Variants in HTR7 observed in about 807,000 individuals in gnomAD.
HTR7 encodes 5-HT-7.
HTR7 carries 16 observed loss-of-function variants against 34.0 expected under a neutral mutation model. The observed-to-expected ratio is 0.47, with a 90% confidence interval of 0.32 to 0.71. HTR7 has a LOEUF of 0.71. Ranked by LOEUF, HTR7 falls within the 30% of genes least tolerant of loss-of-function variation. The probability of loss-of-function intolerance (pLI) is 0.04; values close to 1 mark genes in which losing one functional copy is unlikely to be tolerated. For synonymous variants in HTR7, 265 were observed against 260.2 expected, an observed-to-expected ratio of 1.02 and a Z score of -0.18; for missense variants, 504 against 625.5, an observed-to-expected ratio of 0.81 and a Z score of 2.07.
At chr10:90,817,165 T>C (rs1845909358) in intron 1 of HTR7, among the ~76,000 whole-genome samples, 1 of 152,028 alleles carries the variant, frequency 6.6e-6, no homozygotes, top group African/African-American at 2.4e-5. Flanking sequence ...ATAAAAACAA[T>C]TCTAAACATC....
chr10:90,801,861 G>A (rs572147387), intron 1 of HTR7, among the ~76,000 whole-genome samples: 70 of 152,304 alleles, frequency 4.6e-4, no homozygotes, highest in African/African-American at 1.2e-3. Context: ...TGGGAAAAAA[G>A]GGATTTGTGT....
intron 1 of HTR7, among the ~76,000 whole-genome samples, chr10:90,754,952 T>C (rs1188676031): frequency 6.6e-6 from 1 of 152,216 alleles, no homozygotes; most frequent in African/African-American, 2.4e-5. Flanking sequence ...CTCCGGCTGA[T>C]GTCAGTGGCT....
At chr10:90,809,194 C>T (rs1845758457) in intron 1 of HTR7, among the ~76,000 whole-genome samples, 2 of 152,190 alleles carry the variant, frequency 1.3e-5, no homozygotes, top group Admixed American at 6.5e-5. Flanking sequence ...CCTCCTGACA[C>T]CCGGTCTGGC....
intron 1 of HTR7, among the ~76,000 whole-genome samples, chr10:90,787,487 A>G (rs1477237800): frequency 2.0e-5 from 3 of 152,046 alleles, no homozygotes; most frequent in Non-Finnish European, 4.4e-5. Flanking sequence ...GCAAGACTCC[A>G]TCTCAAAAAA....
chr10:90,785,803 C>T (rs1040527787), intron 1 of HTR7, among the ~76,000 whole-genome samples: 10 of 152,208 alleles, frequency 6.6e-5, no homozygotes, highest in African/African-American at 1.4e-4. Flanking sequence ...CTTCTCAGAA[C>T]GCACCACAAC....
chr10:90,762,438 G>T (rs2119726501), intron 1 of HTR7, among the ~76,000 whole-genome samples: 1 of 152,216 alleles, frequency 6.6e-6, no homozygotes, highest in South Asian at 2.1e-4. Flanking sequence ...GTCTTCTTTG[G>T]AAAAATGTCT....
chr10:90,802,944 C>T (rs1168788211), intron 1 of HTR7, among the ~76,000 whole-genome samples: 1 of 150,602 alleles, frequency 6.6e-6, no homozygotes, highest in South Asian at 2.1e-4. Context: ...GAAACTGAGA[C>T]CATAGAGTAT....
intron 1 of HTR7, among the ~76,000 whole-genome samples, chr10:90,820,414 G>A (rs1845961585): frequency 6.6e-6 from 1 of 152,174 alleles, no homozygotes; most frequent in South Asian, 2.1e-4. Context: ...CATAACTTCA[G>A]ACCACCATTA....
At chr10:90,782,923 A>C (rs1845326372) in intron 1 of HTR7, among the ~76,000 whole-genome samples, 1 of 152,166 alleles carries the variant, frequency 6.6e-6, no homozygotes, top group Non-Finnish European at 1.5e-5. Flanking sequence ...GGTATTTGAT[A>C]ATTCTAACCT....
intron 1 of HTR7, among the ~76,000 whole-genome samples, chr10:90,822,448 C>T (rs1007469457): frequency 3.9e-5 from 6 of 152,204 alleles, no homozygotes; most frequent in African/African-American, 1.4e-4. Context: ...GCATTCAAGA[C>T]ATGGCCTGGC....
At position 90,815,052 on chromosome 10, in the gene HTR7, A is replaced by C. The variant is rs1831546171; in HGVS notation, c.539+42081T>G. 2.0e-5 allele frequency among the ~76,000 whole-genome samples: 3 copies of C among 151,990 alleles called. No individual in the cohort carries two copies. In the South Asian group the frequency reaches 6.3e-4, roughly 32 times the overall value. Reference sequence around the variant, plus strand: ...AAGTTTCTGGGACCAGAATGTAAAAATGCAGGATTGCAAAAGTTGGATTTT... The same window carrying C: ...AAGTTTCTGGGACCAGAATGTAAAACTGCAGGATTGCAAAAGTTGGATTTT... On this transcript the variant is annotated intron_variant, in intron 1 of 3. Coordinates refer to ENST00000336152, the MANE Select transcript of HTR7 (RefSeq NM_019859.4).
chr10:90,827,091 C>T (rs72810814), intron 1 of HTR7, among the ~76,000 whole-genome samples: 2 of 151,520 alleles, frequency 1.3e-5, no homozygotes, highest in African/African-American at 4.9e-5. Context: ...TTCAACCATA[C>T]CACTAGAGAA....
intron 1 of HTR7, among the ~76,000 whole-genome samples, chr10:90,849,742 T>A (rs1169638790): frequency 3.9e-5 from 6 of 152,252 alleles, no homozygotes; most frequent in Non-Finnish European, 2.9e-5. Context: ...TAGCCACTTC[T>A]AGCCATGATG....
intron 1 of HTR7, among the ~76,000 whole-genome samples, chr10:90,840,867 A>G (rs1164229660): frequency 2.0e-5 from 3 of 152,218 alleles, no homozygotes; most frequent in Non-Finnish European, 4.4e-5. Flanking sequence ...ATGGCCACAG[A>G]ACTACAAATG....
At chr10:90,757,531 C>G (rs925434731) in intron 1 of HTR7, among the ~76,000 whole-genome samples, 1 of 152,206 alleles carries the variant, frequency 6.6e-6, no homozygotes, top group Admixed American at 6.5e-5. Context: ...CTTCACTCAG[C>G]TGCGGTAGAA....
Position 90,814,282 on chromosome 10 carries a change from TATG to T in HTR7, c.539+42848_539+42850del, listed in dbSNP as rs1205435375. On this transcript the variant is annotated intron_variant, in intron 1 of 3. Transcript: ENST00000336152. ...TCTACAAGCCATGAGGGACTCACTT[TATG>T]ATGATAGGAATATTCACCCACTAAA... is the stretch of plus-strand genomic sequence containing the variant. 2.0e-5 allele frequency among the ~76,000 whole-genome samples: 3 copies of T among 152,326 alleles called. No individual in the cohort carries two copies. In the East Asian group the frequency reaches 5.8e-4, roughly 29 times the overall value.
In HTR7 at chr10:90,829,541, C is replaced by T. The variant is rs547468762; in HGVS notation, c.539+27592G>A. 5.3e-5 allele frequency among the ~76,000 whole-genome samples: 8 copies of T among 152,232 alleles called. No individual in the cohort carries two copies. The South Asian group carries it at 1.7e-3, about 32-fold the overall frequency. On this transcript the variant is annotated intron_variant, in intron 1 of 3. Coordinates refer to ENST00000336152, the MANE Select transcript of HTR7 (RefSeq NM_019859.4). The stretch of plus-strand genomic sequence containing the variant: ...CCCTAGCCCCCCACCCTGACAGGCC[C>T]TGGTGTGTGATGTTCCCCTCCCTGT...
rs189637515 is a variant in HTR7 at position 90,833,885 on chromosome 10, T to C, written c.539+23248A>G. 3.3e-5 allele frequency among the ~76,000 whole-genome samples: 5 copies of C among 152,332 alleles called. No individual in the cohort carries two copies. The East Asian group carries it at 9.6e-4, about 29-fold the overall frequency. ...TCATCACATAATGCTATTTGAAAGA[T>C]GTAATTTAGAAAAAGGAAACTTGGA... On this transcript the variant is annotated intron_variant, in intron 1 of 3. Transcript: ENST00000336152.
chr10:90,773,240 G>C (rs1013822721), intron 1 of HTR7, among the ~76,000 whole-genome samples: 4 of 152,194 alleles, frequency 2.6e-5, no homozygotes, highest in Non-Finnish European at 5.9e-5. Flanking sequence ...CTGTGGGATA[G>C]TCACAAGTGT....
Sources: allele counts gnomAD v4.1 joint callset (sites outside exome capture counted in the v4.1 genomes callset), GRCh38; gene constraint gnomAD v4.1.1; transcripts MANE v1.5; gene names NCBI Gene and HGNC (gene_info 2026-07-23, HGNC 2026-07-21).